Variants in KIF16B observed in about 807,000 individuals in gnomAD.
The protein encoded by KIF16B is kinesin family member 16B.
A neutral mutation model predicts 156.3 loss-of-function variants in KIF16B; 98 were observed. The ratio of observed to expected loss-of-function variants is 0.63; its 90% CI spans 0.53 to 0.74. The LOEUF is 0.74. Ranked by LOEUF, KIF16B falls within the 30% of genes least tolerant of loss-of-function variation. The pLI is 0.00. For missense variants in KIF16B, 1,421 were observed against 1,606.5 expected (o/e 0.88, Z 1.97); for synonymous variants, 564 against 583.7 (o/e 0.97, Z 0.49).
In KIF16B at chr20:16,371,772, A is replaced by G. The variant is rs754590689; in HGVS notation, c.3351-11T>C. ...ATGTAAGCATTGATCCTGTAACACA[A>G]TGGAGATGGAGTAGATCTGACACTT... On this transcript the variant is annotated splice_polypyrimidine_tract_variant and intron_variant, in intron 20 of 25. Coordinates refer to ENST00000354981, the MANE Select transcript of KIF16B (RefSeq NM_024704.5). The G allele has an allele frequency of 1.9e-6, 3 of 1,574,960 alleles. No homozygotes were observed. The highest frequency in any genetic ancestry group is 1.1e-5 in the South Asian group (1 of 90,150).
At chr20:16,545,860 C>T (rs1431022476) in intron 1 of KIF16B, among the ~76,000 whole-genome samples, 3 of 151,438 alleles carry the variant, frequency 2.0e-5, no homozygotes, top group Non-Finnish European at 4.4e-5. Flanking sequence ...ACCCTCTTCC[C>T]AGTTTTATCT....
chr20:16,327,900 T>C (rs1054669096), intron 24 of KIF16B, among the ~76,000 whole-genome samples: 1 of 152,162 alleles, frequency 6.6e-6, no homozygotes, highest in African/African-American at 2.4e-5. Flanking sequence ...GTGGCTGCAG[T>C]TGGTAGCATT....
chr20:16,545,983 A>G (rs10485557), intron 1 of KIF16B, among the ~76,000 whole-genome samples: 14,680 of 152,210 alleles, frequency 0.096, 836 homozygotes, highest in East Asian at 0.32. Flanking sequence ...GCCATATACC[A>G]GCTAGGGAAG....
chr20:16,441,924 C>T (rs1201138600), intron 12 of KIF16B, among the ~76,000 whole-genome samples: 1 of 152,118 alleles, frequency 6.6e-6, no homozygotes, highest in Non-Finnish European at 1.5e-5. Flanking sequence ...AGATCTAAGT[C>T]TATATCTGTA....
At chr20:16,571,201 G>A (rs560656814) in intron 1 of KIF16B, among the ~76,000 whole-genome samples, 3 of 151,994 alleles carry the variant, frequency 2.0e-5, no homozygotes, top group Non-Finnish European at 4.4e-5. Context: ...CTCTACACTC[G>A]CATTCTTCCC....
intron 1 of KIF16B, among the ~76,000 whole-genome samples, chr20:16,568,084 C>T (rs933945095): frequency 6.6e-6 from 1 of 152,160 alleles, no homozygotes; most frequent in African/African-American, 2.4e-5. Context: ...TTCCCTTTGA[C>T]CTATCTTCTT....
At chr20:16,461,893 C>A (rs1489544321) in intron 12 of KIF16B, among the ~76,000 whole-genome samples, 3 of 152,102 alleles carry the variant, frequency 2.0e-5, no homozygotes, top group Non-Finnish European at 2.9e-5. Context: ...GTCTTCAAAG[C>A]GGTAGTTTTC....
intron 1 of KIF16B, among the ~76,000 whole-genome samples, chr20:16,529,058 CACTGGGATAT>C (rs571501684): frequency 3.7e-4 from 57 of 152,256 alleles, no homozygotes; most frequent in Non-Finnish European, 7.2e-4. Context: ...ATGGCGTGGC[CACTGGGATAT>C]ACTGGGATAT....
chr20:16,520,783 C>T (rs955241273), intron 3 of KIF16B, among the ~76,000 whole-genome samples: 19 of 152,088 alleles, frequency 1.2e-4, no homozygotes, highest in Admixed American at 2.0e-4. Context: ...GGGAGAGCTC[C>T]GGGTGGCATC....
chr20:16,283,493 G>A (rs758331214), intron 25 of KIF16B, among the ~76,000 whole-genome samples: 1 of 152,058 alleles, frequency 6.6e-6, no homozygotes, highest in African/African-American at 2.4e-5. Context: ...GCCCTGGGGA[G>A]CAGCGAGCCG....
At chr20:16,472,108 G>T (rs761658994) in intron 12 of KIF16B, among the ~76,000 whole-genome samples, 1 of 152,142 alleles carries the variant, frequency 6.6e-6, no homozygotes, top group Non-Finnish European at 1.5e-5. Flanking sequence ...ATGGTCCGAG[G>T]GTAGCACTCT....
At chr20:16,317,052 A>T (rs2063708975) in intron 24 of KIF16B, among the ~76,000 whole-genome samples, 1 of 152,238 alleles carries the variant, frequency 6.6e-6, no homozygotes, top group Non-Finnish European at 1.5e-5. Flanking sequence ...TCCCCCACAC[A>T]CCAACATCTT....
intron 25 of KIF16B, among the ~76,000 whole-genome samples, chr20:16,274,407 G>A (rs1248838016): frequency 2.0e-5 from 3 of 152,192 alleles, no homozygotes; most frequent in African/African-American, 7.2e-5. Context: ...GATAAAATCA[G>A]ATGTGGGAGC....
chr20:16,358,145 C>T (rs1383704530), intron 22 of KIF16B, among the ~76,000 whole-genome samples: 11 of 152,104 alleles, frequency 7.2e-5, no homozygotes, highest in Non-Finnish European at 1.0e-4. Flanking sequence ...GCTGAGATCA[C>T]GCCACTGCAC....
At chr20:16,484,436 C>A (rs2068062352) in intron 12 of KIF16B, among the ~76,000 whole-genome samples, 1 of 152,132 alleles carries the variant, frequency 6.6e-6, no homozygotes, top group Non-Finnish European at 1.5e-5. Context: ...TATTACTTTG[C>A]CTTTCATCTT....
chr20:16,555,661 A>G (rs1452255544), intron 1 of KIF16B, among the ~76,000 whole-genome samples: 1 of 152,236 alleles, frequency 6.6e-6, no homozygotes, highest in African/African-American at 2.4e-5. Context: ...GCTTAAGAAG[A>G]TGGTATAGAA....
At chr20:16,446,420 C>T (rs566842447) in intron 12 of KIF16B, among the ~76,000 whole-genome samples, 10 of 152,244 alleles carry the variant, frequency 6.6e-5, no homozygotes, top group Non-Finnish European at 4.4e-5. Context: ...AATGTCACTG[C>T]GTACCTTGAG....
At chr20:16,490,343 A>G (rs1600528577) in intron 12 of KIF16B, among the ~76,000 whole-genome samples, 2 of 152,024 alleles carry the variant, frequency 1.3e-5, no homozygotes. Context: ...GAGTTCGAGA[A>G]CAGCCTGGAC....
chr20:16,450,559 C>T (rs1373010374), intron 12 of KIF16B, among the ~76,000 whole-genome samples: 1 of 152,222 alleles, frequency 6.6e-6, no homozygotes, highest in Non-Finnish European at 1.5e-5. Context: ...GGCTGTTCCT[C>T]CGCTCCAGTC....
Sources: allele counts gnomAD v4.1 joint callset (sites outside exome capture counted in the v4.1 genomes callset), GRCh38; gene constraint gnomAD v4.1.1; transcripts MANE v1.5; gene names NCBI Gene and HGNC (gene_info 2026-07-23, HGNC 2026-07-21).